Variants in LMO7 observed in about 807,000 individuals in gnomAD.
LMO7 encodes the protein LIM domain 7, also known as LIM domain only protein 7.
LMO7 carries 120 observed loss-of-function variants against 206.5 expected under a neutral mutation model. That is an observed-to-expected ratio of 0.58 (90% CI 0.50 to 0.68). The LOEUF (loss-of-function observed/expected upper bound fraction) is 0.68, where lower values mean the gene tolerates loss of function less well. Ranked by LOEUF, LMO7 falls within the 30% of genes least tolerant of loss-of-function variation. The pLI is 0.00. For missense variants in LMO7, 1,959 were observed against 1,957.9 expected (o/e 1.00, Z -0.01); for synonymous variants, 706 against 681.5 (o/e 1.04, Z -0.56).
chr13:75,796,652 A>G lies in LMO7; in HGVS notation c.365A>G (p.Tyr122Cys). Residue 122 changes from tyrosine (Y) to cysteine (C), a missense_variant, in exon 6 of 31, where the codon TAC becomes TGC. By Grantham distance (194) the Tyr-to-Cys change is radical. Transcript: ENST00000377534. ...TTTTTTAAGGTTTTGATAACATTGT[A>G]CTGGCTGGGAAGAAAAGCACAAAGC... ...RRVKNVLITL[Y>C]WLGRKAQSNP... The G allele has an allele frequency of 6.2e-7, 1 of 1,609,710 alleles. No homozygotes were observed. Among genetic ancestry groups the G allele is most frequent in the Non-Finnish European group, 8.5e-7 (1 of 1,176,796 alleles).
At chr13:75,805,335 C>A in intron 8 of LMO7, 144 bp from the exon 9 acceptor site, 2 of 994,868 alleles carry the variant, frequency 2.0e-6, no homozygotes, top group Non-Finnish European at 2.9e-6. Context: ...TAACTTTGTC[C>A]TAGGAGCTGT....
chr13:75,788,555 C>T (rs1209424586), intron 4 of LMO7, among the ~76,000 whole-genome samples: 4 of 152,022 alleles, frequency 2.6e-5, no homozygotes, highest in Non-Finnish European at 5.9e-5. Flanking sequence ...CCGCTCTTGC[C>T]CCAGACATAT....
chr13:75,672,447 G>A (rs9544016), intron 1 of LMO7, among the ~76,000 whole-genome samples: 44,283 of 151,722 alleles, frequency 0.29, 7,264 homozygotes, highest in Non-Finnish European at 0.37. Flanking sequence ...CTTCATGTTG[G>A]CCAGGCTGGT....
At chr13:75,844,514 A>G (rs1407374498) in intron 25 of LMO7, among the ~76,000 whole-genome samples, 1 of 151,016 alleles carries the variant, frequency 6.6e-6, no homozygotes, top group Non-Finnish European at 1.5e-5. Flanking sequence ...GGTTCAAGTG[A>G]TTCTCCCACT....
At chr13:75,748,273 G>C (rs745892911) in intron 3 of LMO7, among the ~76,000 whole-genome samples, 2 of 152,134 alleles carry the variant, frequency 1.3e-5, no homozygotes, top group African/African-American at 4.8e-5. Flanking sequence ...CTTAATAGTG[G>C]CAATTTGTTA....
At chr13:75,711,705 G>A (rs1366811195) in intron 1 of LMO7, among the ~76,000 whole-genome samples, 2 of 152,184 alleles carry the variant, frequency 1.3e-5, no homozygotes, top group Admixed American at 1.3e-4. Context: ...CGTCGCTCAC[G>A]CTGGGAGCTG....
At chr13:75,707,676 G>C (rs1326152548) in intron 1 of LMO7, among the ~76,000 whole-genome samples, 1 of 151,962 alleles carries the variant, frequency 6.6e-6, no homozygotes, top group Non-Finnish European at 1.5e-5. Flanking sequence ...GGTGTACAGG[G>C]CATGCCAGAT....
chr13:75,821,629 C>G lies in LMO7; in HGVS notation c.2640+20C>G. The G allele has an allele frequency of 6.3e-7, 1 of 1,585,830 alleles. No individual in the cohort carries two copies. The highest frequency in any genetic ancestry group is 1.1e-5 in the South Asian group (1 of 87,340). ...TACACGGTAAAAAATGTTCTCGGTT[C>G]ATTTAGTCTGTTCTGAAGAGCAAAA... On this transcript the variant is annotated intron_variant, in intron 14 of 30. Coordinates refer to ENST00000377534, the MANE Select transcript of LMO7 (RefSeq NM_001306080.2).
In LMO7 at chr13:75,858,148, T is replaced by TG; in HGVS notation, c.*209dup. 1 of 471,124 alleles carries TG rather than the reference T, an allele frequency of 2.1e-6. No homozygotes were observed. The allele number at this position is 471,124 out of a possible 1,614,324, so 29.2% of individuals were successfully genotyped here. ...TGTTTATTTATAAGGTAATTGTGTG[T>TG]GGGGAAAAGTGCAGTATTTACCTGT... is the stretch of plus-strand genomic sequence containing the variant. On this transcript the variant is annotated 3_prime_UTR_variant, in exon 31 of 31. Transcript: ENST00000377534.
chr13:75,709,608 G>A (rs1372190875), intron 1 of LMO7, among the ~76,000 whole-genome samples: 2 of 152,184 alleles, frequency 1.3e-5, no homozygotes, highest in East Asian at 1.9e-4. Context: ...TTTGAGAAGT[G>A]TCTGTTCATA....
At chr13:75,641,941 G>T (rs1389505576) in intron 1 of LMO7, among the ~76,000 whole-genome samples, 1 of 152,026 alleles carries the variant, frequency 6.6e-6, no homozygotes, top group Non-Finnish European at 1.5e-5. Flanking sequence ...ATTACAGGGC[G>T]TGAGCCACCA....
intron 8 of LMO7, chr13:75,805,080 T>G: frequency 4.0e-6 from 4 of 1,010,774 alleles, no homozygotes; most frequent in Non-Finnish European, 4.7e-6. Flanking sequence ...GAAAATCACC[T>G]ATCCTAATTC....
At position 75,782,546 on chromosome 13, in the gene LMO7, G is replaced by A. The variant is rs191131213; in HGVS notation, c.318-12855G>A. On this transcript the variant is annotated intron_variant, in intron 4 of 30. Transcript: ENST00000377534. ...GTACTTGTGTTTATTTTCTGTTGCC[G>A]CTATAACAAATGACCACAAATGTAG... 3.3e-3 allele frequency among the ~76,000 whole-genome samples: 497 copies of A among 152,224 alleles called. 10 individuals carry two copies. Among genetic ancestry groups the A allele is most frequent in the Middle Eastern group, 3.4e-3 (1 of 294 alleles).
intron 6 of LMO7, 54 bp from the exon 7 acceptor site, chr13:75,800,630 A>C (rs2054611199): frequency 6.7e-6 from 10 of 1,502,038 alleles, no homozygotes; most frequent in Non-Finnish European, 8.3e-6. Context: ...CCGATTGATT[A>C]TATTTTTTGG....
intron 16 of LMO7, 58 bp downstream of exon 16, chr13:75,833,223 G>C (rs1041753680): frequency 3.9e-6 from 4 of 1,025,868 alleles, no homozygotes; most frequent in Non-Finnish European, 6.2e-6. Flanking sequence ...CTTCATTGTG[G>C]GGTTGGGGAC....
chr13:75,674,989 T>A (rs1193332320), intron 1 of LMO7, among the ~76,000 whole-genome samples: 1 of 152,200 alleles, frequency 6.6e-6, no homozygotes, highest in Non-Finnish European at 1.5e-5. Context: ...TCGGAGTCAG[T>A]TTCAGTTTCC....
chr13:75,756,675 T>A (rs1417398732), intron 3 of LMO7, among the ~76,000 whole-genome samples: 2 of 152,208 alleles, frequency 1.3e-5, no homozygotes, highest in Non-Finnish European at 2.9e-5. Context: ...TTAACACCTG[T>A]CACTCTATTG....
chr13:75,853,680 A>G (rs1486721002), intron 28 of LMO7, among the ~76,000 whole-genome samples: 1 of 152,214 alleles, frequency 6.6e-6, no homozygotes, highest in African/African-American at 2.4e-5. Flanking sequence ...TGTAAGACAT[A>G]CCAGAATACT....
intron 1 of LMO7, among the ~76,000 whole-genome samples, chr13:75,711,512 C>T (rs938724124): frequency 6.6e-6 from 1 of 152,218 alleles, no homozygotes; most frequent in African/African-American, 2.4e-5. Context: ...TCAATGCCGT[C>T]TGTCACCCCT....
Sources: allele counts gnomAD v4.1 joint callset (sites outside exome capture counted in the v4.1 genomes callset), GRCh38; gene constraint gnomAD v4.1.1; transcripts MANE v1.5; gene names NCBI Gene and HGNC (gene_info 2026-07-23, HGNC 2026-07-21).